The following PCDH7 variants were observed in gnomAD, a reference collection of about 807,000 sequenced individuals.
PCDH7 encodes the protein protocadherin 7, also known as protocadherin-7.
PCDH7 carries 17 observed loss-of-function variants against 58.9 expected under a neutral mutation model. That is an observed-to-expected ratio of 0.29 (90% CI 0.20 to 0.43). The LOEUF (loss-of-function observed/expected upper bound fraction) is 0.43, where lower values mean the gene tolerates loss of function less well. PCDH7 is among the 20% of genes least tolerant of loss of function. The probability of loss-of-function intolerance (pLI) is 1.00; values close to 1 mark genes in which losing one functional copy is unlikely to be tolerated. For synonymous variants in PCDH7, 664 were observed against 616.4 expected, an observed-to-expected ratio of 1.08 and a Z score of -1.14; for missense variants, 1,274 against 1,441.0, an observed-to-expected ratio of 0.88 and a Z score of 1.88.
At position 31,135,041 on chromosome 4, in the gene PCDH7, T is replaced by G. The variant is rs139454297; in HGVS notation, c.*8-7432T>G. Among the ~76,000 whole-genome samples, 65 of 152,242 alleles carry G rather than the reference T, an allele frequency of 4.3e-4. No homozygotes were observed. The East Asian group carries it at 0.011, about 26-fold the overall frequency. ...GGAGACTGGAAGAATTTCATGTCCA[T>G]GCATCATGAAATCTTCATAGCTCAT... On this transcript the variant is annotated intron_variant, in intron 3 of 3. Transcript: ENST00000509759.
intron 3 of PCDH7, among the ~76,000 whole-genome samples, chr4:31,018,679 A>G (rs1753798504): frequency 6.6e-6 from 1 of 152,190 alleles, no homozygotes; most frequent in Admixed American, 6.5e-5. Flanking sequence ...CTCTAAATCC[A>G]CTGACAATTT....
intron 1 of PCDH7, among the ~76,000 whole-genome samples, chr4:30,879,612 C>T (rs1275256165): frequency 6.6e-6 from 1 of 152,092 alleles, no homozygotes; most frequent in African/African-American, 2.4e-5. Flanking sequence ...TTGGATTATG[C>T]TTCCTCACAG....
intron 1 of PCDH7, among the ~76,000 whole-genome samples, chr4:30,803,749 C>T (rs1725829744): frequency 6.6e-6 from 1 of 152,122 alleles, no homozygotes; most frequent in Non-Finnish European, 1.5e-5. Context: ...CATGCAAATA[C>T]ACTGATGTAG....
Position 30,727,526 on chromosome 4 carries a change from A to C in PCDH7, c.3174+2930A>C, listed in dbSNP as rs541614033. On this transcript the variant is annotated intron_variant, in intron 1 of 1. Coordinates refer to ENST00000361762, the Ensembl canonical transcript of PCDH7. Reference sequence around the variant, plus strand: ...CACTGATGATGTAGCCCAAATTTTCATAGTTCATACCTTTGCATTTCAAAC... The same window carrying C: ...CACTGATGATGTAGCCCAAATTTTCCTAGTTCATACCTTTGCATTTCAAAC... Among the ~76,000 whole-genome samples, 3 of 152,098 alleles carry C rather than the reference A, an allele frequency of 2.0e-5. No homozygotes were observed. The East Asian group carries it at 5.8e-4, about 29-fold the overall frequency.
At chr4:30,807,224 C>T (rs538406407) in intron 1 of PCDH7, among the ~76,000 whole-genome samples, 6 of 152,270 alleles carry the variant, frequency 3.9e-5, no homozygotes, top group African/African-American at 1.4e-4. Flanking sequence ...CCTTGAATCA[C>T]AAATTATTTT....
chr4:30,956,165 G>A (rs1220442526), intron 3 of PCDH7, among the ~76,000 whole-genome samples: 1 of 151,334 alleles, frequency 6.6e-6, no homozygotes, highest in Non-Finnish European at 1.5e-5. Context: ...AGTGAGCCGA[G>A]ATCATGCCAC....
chr4:30,949,066 A>G (rs577008694), intron 2 of PCDH7, among the ~76,000 whole-genome samples: 2 of 152,314 alleles, frequency 1.3e-5, no homozygotes, highest in East Asian at 3.9e-4. Flanking sequence ...AGAAAAATTC[A>G]TCAATGTCCT....
intron 3 of PCDH7, among the ~76,000 whole-genome samples, chr4:31,046,946 G>A (rs1478172438): frequency 6.6e-6 from 1 of 151,960 alleles, no homozygotes; most frequent in Non-Finnish European, 1.5e-5. Flanking sequence ...TTTAATAATT[G>A]TTATAAAGGG....
intron 1 of PCDH7, among the ~76,000 whole-genome samples, chr4:30,903,702 A>C (rs1578231798): frequency 6.6e-6 from 1 of 152,274 alleles, no homozygotes; most frequent in Admixed American, 6.5e-5. Context: ...TCACAGAAGA[A>C]GTTCTGGATT....
At chr4:30,933,035 T>TTC (rs1553916198) in intron 2 of PCDH7, among the ~76,000 whole-genome samples, 1 of 11,030 alleles carries the variant, frequency 9.1e-5, no homozygotes, top group Admixed American at 8.3e-4. Context: ...CTTTCTTTCT[T>TTC]TTTTTTTTTT....
chr4:30,770,975 T>C (rs1721324993), intron 1 of PCDH7, among the ~76,000 whole-genome samples: 1 of 152,208 alleles, frequency 6.6e-6, no homozygotes. Flanking sequence ...GCAGTTTATG[T>C]TTGAGCTGTG....
In PCDH7 at chr4:30,846,750, A is replaced by G. The variant is rs1169672764; in HGVS notation, c.71-73403A>G. On this transcript the variant is annotated intron_variant, in intron 1 of 3. Transcript: ENST00000509759. ...TAAGGTAAATATGCAGTTACATTTT[A>G]TTGTTGTTCAAAATATTTGCTATGC... 2.0e-5 allele frequency among the ~76,000 whole-genome samples: 3 copies of G among 152,108 alleles called. No homozygotes were observed. In the East Asian group the frequency reaches 5.8e-4, roughly 29 times the overall value.
intron 3 of PCDH7, among the ~76,000 whole-genome samples, chr4:30,971,300 C>A (rs1205192602): frequency 6.6e-6 from 1 of 152,212 alleles, no homozygotes; most frequent in Non-Finnish European, 1.5e-5. Context: ...AAAACAATAT[C>A]TCCATGTAGA....
chr4:30,911,676 A>G (rs1383601752), intron 1 of PCDH7, among the ~76,000 whole-genome samples: 3 of 152,152 alleles, frequency 2.0e-5, no homozygotes, highest in Non-Finnish European at 4.4e-5. Flanking sequence ...CTGTTTCCTG[A>G]CATTTTTCAT....
chr4:30,791,790 G>A lies in PCDH7; in HGVS notation c.70+67194G>A, dbSNP rs139082018. The stretch of plus-strand genomic sequence containing the variant: ...CAAAATCAAATCTCTGTCACAAACC[G>A]ATGATGAAAGTTTCCAAAAAGGTTG... On this transcript the variant is annotated intron_variant, in intron 1 of 3. Coordinates refer to the PCDH7 transcript ENST00000509759. 4.6e-3 allele frequency among the ~76,000 whole-genome samples: 701 copies of A among 152,228 alleles called. 5 individuals carry two copies. Among genetic ancestry groups the A allele is most frequent in the African/African-American group, 0.016 (663 of 41,560 alleles).
intron 3 of PCDH7, among the ~76,000 whole-genome samples, chr4:31,081,341 G>T (rs1170862982): frequency 2.6e-5 from 4 of 152,098 alleles, no homozygotes; most frequent in South Asian, 2.1e-4. Context: ...TTTCTAAAGT[G>T]GACCACATTT....
Position 31,057,716 on chromosome 4 carries a change from C to T in PCDH7, c.*8-84757C>T, listed in dbSNP as rs530635414. Among the ~76,000 whole-genome samples, 9 of 152,210 alleles carry T rather than the reference C, an allele frequency of 5.9e-5. No homozygotes were observed. In the South Asian group the frequency reaches 1.7e-3, roughly 28 times the overall value. The stretch of plus-strand genomic sequence containing the variant: ...GTTTAGAAAAATTTATTGCTCATTA[C>T]TATACATCTCCATCACTACAACCAG... On this transcript the variant is annotated intron_variant, in intron 3 of 3. Transcript: ENST00000509759.
chr4:30,993,195 G>A (rs753994098), intron 3 of PCDH7, among the ~76,000 whole-genome samples: 1 of 152,182 alleles, frequency 6.6e-6, no homozygotes, highest in Non-Finnish European at 1.5e-5. Flanking sequence ...TGTGTGTAAA[G>A]TTGGGGGAGC....
In PCDH7 at chr4:30,772,100, C is replaced by T. The variant is rs141318002; in HGVS notation, c.70+47504C>T. 5.3e-3 allele frequency among the ~76,000 whole-genome samples: 803 copies of T among 152,214 alleles called. 6 individuals carry two copies. Among genetic ancestry groups the T allele is most frequent in the African/African-American group, 0.018 (762 of 41,530 alleles). ...GGCCAGGGTGGTCTCAAACTCCTGA[C>T]CTCAGGTGATCCGCCCGCCTAAGAC... On this transcript the variant is annotated intron_variant, in intron 1 of 3. Coordinates refer to the PCDH7 transcript ENST00000509759.
Sources: allele counts gnomAD v4.1 joint callset (sites outside exome capture counted in the v4.1 genomes callset), GRCh38; gene constraint gnomAD v4.1.1; transcripts MANE v1.5; gene names NCBI Gene and HGNC (gene_info 2026-07-23, HGNC 2026-07-21).